The following FRMPD4 variants were observed in gnomAD, a reference collection of about 807,000 sequenced individuals.
FRMPD4 encodes the protein FERM and PDZ domain-containing protein 4.
In FRMPD4, 22 loss-of-function variants were observed where a neutral mutation model predicts 94.1. The observed-to-expected ratio is 0.23, with a 90% CI of 0.17 to 0.33. FRMPD4 has a LOEUF of 0.33. FRMPD4 is among the 10% of genes least tolerant of loss of function. FRMPD4 has a pLI of 1.00. For synonymous variants in FRMPD4, 631 were observed against 548.6 expected, an observed-to-expected ratio of 1.15 and a Z score of -2.10; for missense variants, 1,111 against 1,339.9, an observed-to-expected ratio of 0.83 and a Z score of 2.67.
chrX:12,019,457 A>T (rs1420579535), intron 3 of FRMPD4, among the ~76,000 whole-genome samples: 1 of 109,709 alleles, frequency 9.1e-6, no homozygotes, highest in Non-Finnish European at 1.9e-5. Context: ...TGCTAGATTA[A>T]TCTTTCTCTT....
upstream of FRMPD4, among the ~76,000 whole-genome samples, chrX:12,135,932 G>A (rs1225520278): frequency 9.0e-6 from 1 of 111,670 alleles, no homozygotes; most frequent in Non-Finnish European, 1.9e-5. Context: ...TGTTGACTCA[G>A]AGATGAGGGA....
intron 1 of FRMPD4, among the ~76,000 whole-genome samples, chrX:12,194,528 C>G (rs2056544354): frequency 1.8e-5 from 2 of 111,164 alleles, no homozygotes; most frequent in Admixed American, 1.9e-4. Context: ...AAGTGTGTTA[C>G]AGGCGTTGGG....
At chrX:12,515,134 A>AT (rs2058083416) in intron 2 of FRMPD4, among the ~76,000 whole-genome samples, 1 of 110,285 alleles carries the variant, frequency 9.1e-6, no homozygotes, top group African/African-American at 3.3e-5. Flanking sequence ...TGTTTTATTA[A>AT]TTTTTTCAAA....
Position 12,614,763 on chromosome X carries a change from T to G in FRMPD4, c.320-16T>G. ...TAATGGTCTTCTCACCTGTGCTTCA[T>G]TCTATTTGTCTCCAGGTGGCCCCTC... On this transcript the variant is annotated splice_polypyrimidine_tract_variant and intron_variant, in intron 3 of 16. Coordinates refer to ENST00000675598, the MANE Select transcript of FRMPD4 (RefSeq NM_001368397.1). 1.1e-6 allele frequency: 1 copy of G among 940,729 alleles called. No individual in the cohort carries two copies. The highest frequency in any genetic ancestry group is 1.5e-6 in the Non-Finnish European group (1 of 651,540). The allele number at this position is 940,729 out of a possible 1,213,427, so 77.5% of individuals were successfully genotyped here.
chrX:12,028,384 A>G (rs2054672684), intron 3 of FRMPD4, among the ~76,000 whole-genome samples: 1 of 111,830 alleles, frequency 8.9e-6, no homozygotes, highest in Admixed American at 9.5e-5. Flanking sequence ...AGATTTCTCC[A>G]TATACTCCCT....
intron 1 of FRMPD4, among the ~76,000 whole-genome samples, chrX:12,254,282 AACAG>A (rs2054085278): frequency 8.9e-6 from 1 of 112,517 alleles, no homozygotes; most frequent in Non-Finnish European, 1.9e-5. Flanking sequence ...CAAGATAAGC[AACAG>A]ACAGACTTGG....
chrX:12,111,747 G>A (rs1382037220), intron 3 of FRMPD4, among the ~76,000 whole-genome samples: 2 of 111,889 alleles, frequency 1.8e-5, no homozygotes, highest in Non-Finnish European at 3.8e-5. Context: ...CCATCAACAA[G>A]TGGGCGAAGG....
intron 2 of FRMPD4, among the ~76,000 whole-genome samples, chrX:12,541,328 T>C (rs1300624119): frequency 2.2e-4 from 24 of 110,641 alleles, no homozygotes; most frequent in South Asian, 3.8e-4. Flanking sequence ...ATCAACACAA[T>C]TGATAGACGG....
At chrX:12,663,171 T>C (rs2059736515) in intron 4 of FRMPD4, among the ~76,000 whole-genome samples, 1 of 112,198 alleles carries the variant, frequency 8.9e-6, no homozygotes, top group African/African-American at 3.2e-5. Context: ...ACTCTGATGA[T>C]AGTTTCTTTT....
chrX:12,582,148 C>G (rs2058872536), intron 2 of FRMPD4, among the ~76,000 whole-genome samples: 2 of 112,289 alleles, frequency 1.8e-5, no homozygotes, highest in South Asian at 3.7e-4. Context: ...CTTCTTACAT[C>G]TAATTATACA....
intron 1 of FRMPD4, among the ~76,000 whole-genome samples, chrX:12,493,019 G>A (rs933304011): frequency 9.0e-6 from 1 of 111,211 alleles, no homozygotes; most frequent in African/African-American, 3.3e-5. Flanking sequence ...CTCCCTGAGG[G>A]TCATGCCAGG....
chrX:12,008,464 T>C (rs916031915), intron 3 of FRMPD4, among the ~76,000 whole-genome samples: 1 of 112,555 alleles, frequency 8.9e-6, no homozygotes, highest in African/African-American at 3.2e-5. Flanking sequence ...GGCTAAGGGG[T>C]ACTTCATTTT....
At chrX:11,896,337 C>A (rs1224396302) in intron 3 of FRMPD4, among the ~76,000 whole-genome samples, 1 of 111,882 alleles carries the variant, frequency 8.9e-6, no homozygotes, top group Non-Finnish European at 1.9e-5. Context: ...ATGTTTATGT[C>A]CCCCACAAAA....
At position 12,018,961 on chromosome X, in the gene FRMPD4, T is replaced by A. The variant is rs1374478151; in HGVS notation, c.95+140943T>A. ...TTGGAATTCAGATGTTTTCAGATAG[T>A]AGAAAGGCAGTACAGTGCATATACC... On this transcript the variant is annotated intron_variant, in intron 3 of 18. Transcript: ENST00000640291. Among the ~76,000 whole-genome samples, 3 of 111,824 alleles carry A rather than the reference T, an allele frequency of 2.7e-5. No homozygotes were observed. The Admixed American group carries it at 2.8e-4, about 11-fold the overall frequency.
In FRMPD4 at chrX:12,112,031, T is replaced by C. The variant is rs1428110702; in HGVS notation, c.95+234013T>C. On this transcript the variant is annotated intron_variant, in intron 3 of 18. Transcript: ENST00000640291. ...TGGCGATTCCTCAAGGATCTAGAAC[T>C]AGAAATACCATTTGACCCAGCCATC... 2.0e-4 allele frequency among the ~76,000 whole-genome samples: 22 copies of C among 111,487 alleles called. No homozygotes were observed. The Admixed American group carries it at 2.1e-3, about 11-fold the overall frequency.
At chrX:12,604,986 A>G (rs1348031923) in intron 2 of FRMPD4, among the ~76,000 whole-genome samples, 1 of 112,229 alleles carries the variant, frequency 8.9e-6, no homozygotes, top group East Asian at 2.8e-4. Flanking sequence ...TTCAGTTTTC[A>G]CAAGTATCTT....
At chrX:12,094,018 A>G (rs2055177705) in intron 3 of FRMPD4, among the ~76,000 whole-genome samples, 1 of 112,487 alleles carries the variant, frequency 8.9e-6, no homozygotes, top group South Asian at 3.7e-4. Flanking sequence ...GAAAAGATAT[A>G]TCAAAGACTA....
At chrX:12,247,355 A>G (rs942009382) in intron 1 of FRMPD4, among the ~76,000 whole-genome samples, 2 of 111,197 alleles carry the variant, frequency 1.8e-5, no homozygotes, top group Admixed American at 9.6e-5. Flanking sequence ...TATTGTCTAG[A>G]GTTCTGAACT....
chrX:12,037,862 T>C (rs894341692), intron 3 of FRMPD4, among the ~76,000 whole-genome samples: 18 of 111,759 alleles, frequency 1.6e-4, no homozygotes, highest in African/African-American at 3.3e-5. Context: ...ATTATTTTGC[T>C]AAGGATAATG....
Sources: allele counts gnomAD v4.1 joint callset (sites outside exome capture counted in the v4.1 genomes callset), GRCh38; gene constraint gnomAD v4.1.1; transcripts MANE v1.5; gene names NCBI Gene and HGNC (gene_info 2026-07-23, HGNC 2026-07-21).